Variants in NR6A1 observed in about 807,000 individuals in gnomAD.
NR6A1 encodes nuclear receptor subfamily 6 group A member 1, also known as retinoic acid receptor-related testis-associated receptor.
NR6A1 carries 7 observed loss-of-function variants against 59.1 expected under a neutral mutation model. The ratio of observed to expected loss-of-function variants is 0.12; its 90% CI spans 0.07 to 0.22. The LOEUF is 0.22. Among genes scored for constraint, NR6A1 ranks in the 10% least tolerant of loss-of-function variants. The pLI is 1.00. For missense variants in NR6A1, 468 were observed against 611.6 expected, an observed-to-expected ratio of 0.77 and a Z score of 2.48; for synonymous variants, 243 against 236.1, an observed-to-expected ratio of 1.03 and a Z score of -0.27.
chr9:124,656,661 G>A (rs1216774818), intron 2 of NR6A1, among the ~76,000 whole-genome samples: 1 of 152,002 alleles, frequency 6.6e-6, no homozygotes, highest in Admixed American at 6.6e-5. Context: ...GTGAAACCCC[G>A]TGTCTACTAA....
chr9:124,543,478 C>T (rs1833507201), intron 4 of NR6A1, among the ~76,000 whole-genome samples: 1 of 152,182 alleles, frequency 6.6e-6, no homozygotes, highest in African/African-American at 2.4e-5. Context: ...AGTAGTCTTG[C>T]TCATTTCTGC....
Position 124,526,885 on chromosome 9 carries a change from C to T in NR6A1, c.1095G>A (p.Gly365=). The change falls in exon 8 of 10, where the codon GGG becomes GGA. Residue 365 remains glycine, a synonymous_variant. Coordinates refer to ENST00000487099, the MANE Select transcript of NR6A1 (RefSeq NM_033334.4). ...DEELHRFSDE[G]MEVIERLIYL... ...AGATGAGCCGCTCGATCACCTCCAT[C>T]CCTTCATCACTAAATCTGAGGAACA... The T allele has an allele frequency of 6.8e-6, 11 of 1,613,994 alleles. No homozygotes were observed. The highest frequency in any genetic ancestry group is 9.3e-6 in the Non-Finnish European group (11 of 1,179,888).
chr9:124,546,146 A>T (rs1833593233), intron 3 of NR6A1, among the ~76,000 whole-genome samples: 1 of 152,172 alleles, frequency 6.6e-6, no homozygotes, highest in Non-Finnish European at 1.5e-5. Context: ...CCTCGACCCC[A>T]CCCAGAGTAA....
At chr9:124,654,654 T>G (rs1346879896) in intron 2 of NR6A1, among the ~76,000 whole-genome samples, 1 of 152,082 alleles carries the variant, frequency 6.6e-6, no homozygotes, top group Non-Finnish European at 1.5e-5. Context: ...CGATACTTCC[T>G]CATTCAAGAT....
intron 2 of NR6A1, among the ~76,000 whole-genome samples, chr9:124,637,582 C>T (rs995415782): frequency 4.6e-5 from 7 of 152,140 alleles, no homozygotes; most frequent in Non-Finnish European, 1.0e-4. Context: ...AAACTCTACA[C>T]CATCTCCCAG....
At chr9:124,661,737 C>T (rs955696575) in intron 2 of NR6A1, among the ~76,000 whole-genome samples, 11 of 152,118 alleles carry the variant, frequency 7.2e-5, no homozygotes, top group Non-Finnish European at 7.4e-5. Flanking sequence ...TCCCAAAGTG[C>T]GTTGTCCAAT....
intron 1 of NR6A1, among the ~76,000 whole-genome samples, chr9:124,736,654 G>A (rs1406394672): frequency 1.3e-5 from 2 of 151,964 alleles, no homozygotes; most frequent in Admixed American, 1.3e-4. Flanking sequence ...GACCAGCCTG[G>A]GCAACATGGT....
chr9:124,627,945 G>C (rs1208938230), intron 2 of NR6A1, among the ~76,000 whole-genome samples: 2 of 129,128 alleles, frequency 1.5e-5, no homozygotes, highest in Non-Finnish European at 3.1e-5. Context: ...GTGGTCCCAA[G>C]GAACTATAAA....
chr9:124,544,524 C>T (rs1833542085), intron 3 of NR6A1, among the ~76,000 whole-genome samples: 1 of 152,138 alleles, frequency 6.6e-6, no homozygotes, highest in Non-Finnish European at 1.5e-5. Context: ...AGTAGGACCA[C>T]GGTATTAGGC....
intron 6 of NR6A1, 51 bp downstream of exon 6, chr9:124,538,041 G>A (rs757925591): frequency 1.0e-5 from 15 of 1,492,042 alleles, no homozygotes; most frequent in Non-Finnish European, 1.4e-5. Flanking sequence ...TGGGTGTGGG[G>A]TAGGGACACT....
intron 2 of NR6A1, among the ~76,000 whole-genome samples, chr9:124,621,023 A>C (rs2130860437): frequency 6.6e-6 from 1 of 152,284 alleles, no homozygotes. Context: ...CTAGCAAATA[A>C]AGCACCCAGA....
chr9:124,686,860 C>T (rs1838347693), intron 2 of NR6A1, among the ~76,000 whole-genome samples: 1 of 151,998 alleles, frequency 6.6e-6, no homozygotes, highest in Non-Finnish European at 1.5e-5. Context: ...CACACCGCCA[C>T]GCTCAGCTAA....
chr9:124,583,073 T>G (rs1428583419), intron 2 of NR6A1, among the ~76,000 whole-genome samples: 1 of 152,110 alleles, frequency 6.6e-6, no homozygotes, highest in African/African-American at 2.4e-5. Context: ...CTTTGGCCAT[T>G]AGGTAATCAA....
intron 2 of NR6A1, among the ~76,000 whole-genome samples, chr9:124,732,202 A>C (rs1839903167): frequency 6.6e-6 from 1 of 152,206 alleles, no homozygotes; most frequent in South Asian, 2.1e-4. Context: ...GATGATGGAA[A>C]GGTAAGCTTT....
intron 2 of NR6A1, among the ~76,000 whole-genome samples, chr9:124,619,395 T>C (rs1414861523): frequency 6.6e-6 from 1 of 151,900 alleles, no homozygotes; most frequent in East Asian, 1.9e-4. Context: ...TACCAAGTAG[T>C]TGGGACTACA....
chr9:124,616,164 G>T (rs529467629), intron 2 of NR6A1, among the ~76,000 whole-genome samples: 5 of 151,892 alleles, frequency 3.3e-5, no homozygotes, highest in African/African-American at 4.8e-5. Context: ...TTGGGAGGCC[G>T]AGGTGAGCAG....
chr9:124,579,926 C>T (rs1310607335), intron 2 of NR6A1, among the ~76,000 whole-genome samples: 1 of 152,204 alleles, frequency 6.6e-6, no homozygotes, highest in Non-Finnish European at 1.5e-5. Context: ...AGGAGAATCA[C>T]TTGAACCAGG....
At chr9:124,586,765 T>C (rs573989401) in intron 2 of NR6A1, among the ~76,000 whole-genome samples, 2 of 152,300 alleles carry the variant, frequency 1.3e-5, no homozygotes, top group East Asian at 3.9e-4. Context: ...AAAACTTTAA[T>C]GGATGAGGAG....
chr9:124,594,439 C>CT (rs1835214723), intron 2 of NR6A1, among the ~76,000 whole-genome samples: 1 of 152,148 alleles, frequency 6.6e-6, no homozygotes, highest in Non-Finnish European at 1.5e-5. Flanking sequence ...CAGAGTCATC[C>CT]CTTCTAAACT....
Sources: gnomAD v4.1 joint callset for allele counts (sites outside exome capture counted in the v4.1 genomes callset) on GRCh38, gnomAD v4.1.1 for gene constraint, MANE v1.5 for transcripts, NCBI Gene and HGNC (gene_info 2026-07-23, HGNC 2026-07-21) for gene names.